Variants in TRPC5 observed in about 807,000 individuals in gnomAD.
The protein encoded by TRPC5 is transient receptor potential cation channel subfamily C member 5, also known as short transient receptor potential channel 5.
In TRPC5, 9 loss-of-function variants were observed where a neutral mutation model predicts 56.5. That is an observed-to-expected ratio of 0.16 (90% CI 0.10 to 0.28). The LOEUF (loss-of-function observed/expected upper bound fraction) is 0.28, where lower values mean the gene tolerates loss of function less well. Ranked by LOEUF, TRPC5 falls within the 10% of genes least tolerant of loss-of-function variation. The pLI, the probability that TRPC5 is intolerant of heterozygous loss-of-function variation, is 1.00. For missense variants in TRPC5, 469 were observed against 748.9 expected (o/e 0.63, Z 4.36); for synonymous variants, 282 against 278.5 (o/e 1.01, Z -0.13).
At chrX:111,924,500 A>G (rs1926206813) in intron 2 of TRPC5, among the ~76,000 whole-genome samples, 1 of 110,926 alleles carries the variant, frequency 9.0e-6, no homozygotes, top group African/African-American at 3.3e-5. Flanking sequence ...AGGAAACCAG[A>G]TCAGAAATCT....
chrX:112,057,129 G>A (rs757100719), intron 1 of TRPC5, among the ~76,000 whole-genome samples: 15 of 111,657 alleles, frequency 1.3e-4, no homozygotes, highest in Non-Finnish European at 2.6e-4. Context: ...AAGAGTTTCT[G>A]CTTCAGCTGA....
At chrX:111,805,745 C>T (rs1212165864) in intron 7 of TRPC5, among the ~76,000 whole-genome samples, 1 of 111,219 alleles carries the variant, frequency 9.0e-6, no homozygotes, top group East Asian at 2.8e-4. Context: ...GCTATCTCAG[C>T]TTACTGCAAC....
chrX:111,802,619 G>T (rs182462198), intron 7 of TRPC5, among the ~76,000 whole-genome samples: 7 of 110,865 alleles, frequency 6.3e-5, no homozygotes, highest in Admixed American at 5.8e-4. Flanking sequence ...GAGCTGGTTT[G>T]GGGGATACTG....
At chrX:112,039,699 G>A (rs999023321) in intron 1 of TRPC5, among the ~76,000 whole-genome samples, 3 of 111,040 alleles carry the variant, frequency 2.7e-5, no homozygotes, top group East Asian at 5.7e-4. Flanking sequence ...TCTATCCAGG[G>A]TGCCTCTATT....
intron 1 of TRPC5, among the ~76,000 whole-genome samples, chrX:111,969,035 A>C (rs746698404): frequency 1.8e-5 from 2 of 108,945 alleles, no homozygotes; most frequent in African/African-American, 3.3e-5. Flanking sequence ...ACAACAAAAA[A>C]AATAAATAAA....
At chrX:111,905,402 G>C (rs927158809) in intron 3 of TRPC5, among the ~76,000 whole-genome samples, 2 of 111,146 alleles carry the variant, frequency 1.8e-5, no homozygotes, top group East Asian at 5.7e-4. Context: ...CCTAAAGAAA[G>C]AAAAAATGAC....
chrX:111,920,861 T>A (rs1394270814), intron 2 of TRPC5, among the ~76,000 whole-genome samples: 1 of 111,867 alleles, frequency 8.9e-6, no homozygotes, highest in African/African-American at 3.3e-5. Context: ...GGTGGCTCTG[T>A]ACATAAGGTT....
intron 3 of TRPC5, chrX:111,902,394 T>G (rs144394283): frequency 0.012 from 3,346 of 289,399 alleles, 97 homozygotes; most frequent in African/African-American, 0.084. Context: ...GAAAGTTCTG[T>G]CTTTTGCCAT....
chrX:111,972,125 G>A (rs1161822189), intron 1 of TRPC5, among the ~76,000 whole-genome samples: 1 of 111,439 alleles, frequency 9.0e-6, no homozygotes, highest in Non-Finnish European at 1.9e-5. Context: ...ACTGCCTCAG[G>A]TTACAATTAC....
rs979221813 is a variant in TRPC5, at chrX:111,871,673, T to C, written c.901-17567A>G. Among the ~76,000 whole-genome samples the C allele has an allele frequency of 2.7e-5, 3 of 112,185 alleles. No homozygotes were observed. The Admixed American group carries it at 2.8e-4, about 11-fold the overall frequency. ...CAAGAAAGCACTCAATAAATGTTAG[T>C]TCTTTTCATCATTATGACTTACGAG... On this transcript the variant is annotated intron_variant, in intron 3 of 10. Transcript: ENST00000262839.
intron 2 of TRPC5, among the ~76,000 whole-genome samples, chrX:111,934,622 A>C (rs1819920339): frequency 1.8e-5 from 2 of 111,104 alleles, no homozygotes; most frequent in Admixed American, 9.6e-5. Flanking sequence ...CCCAACTACT[A>C]TCCTTCCCAG....
At chrX:111,945,492 C>T (rs768647577) in intron 2 of TRPC5, among the ~76,000 whole-genome samples, 39 of 110,058 alleles carry the variant, frequency 3.5e-4, no homozygotes, top group African/African-American at 1.2e-3. Flanking sequence ...CATGTGTGCG[C>T]ACACACACCG....
At chrX:112,056,157 T>C (rs1930336759) in intron 1 of TRPC5, among the ~76,000 whole-genome samples, 1 of 111,703 alleles carries the variant, frequency 9.0e-6, no homozygotes, top group Non-Finnish European at 1.9e-5. Context: ...GGTGCATAGC[T>C]TGGTAAGTCT....
In TRPC5 at chrX:111,772,643, G is replaced by T. The variant is rs951665470; in HGVS notation, c.*3670C>A. Reference sequence around the variant, plus strand: ...AGATGGGTTTCACCATGTTGGCCAGGCTGATCTCAAACTCCTGGACTCAAG... The same window carrying T: ...AGATGGGTTTCACCATGTTGGCCAGTCTGATCTCAAACTCCTGGACTCAAG... On this transcript the variant is annotated 3_prime_UTR_variant, in exon 11 of 11. Coordinates refer to ENST00000262839, the MANE Select transcript of TRPC5 (RefSeq NM_012471.3). 9.1e-6 allele frequency among the ~76,000 whole-genome samples: 1 copy of T among 110,258 alleles called. No homozygotes were observed. The highest frequency in any genetic ancestry group is 1.9e-5 in the Non-Finnish European group (1 of 52,819).
At chrX:111,955,616 C>T (rs1198969244) in intron 1 of TRPC5, among the ~76,000 whole-genome samples, 1 of 111,709 alleles carries the variant, frequency 9.0e-6, no homozygotes, top group Non-Finnish European at 1.9e-5. Context: ...AATTCTTTGC[C>T]CTTTTCCAAT....
At chrX:112,009,336 A>T (rs182781230) in intron 1 of TRPC5, among the ~76,000 whole-genome samples, 24 of 111,581 alleles carry the variant, frequency 2.2e-4, no homozygotes, top group African/African-American at 6.8e-4. Flanking sequence ...CAATATTTTC[A>T]TAAAATCCCT....
At chrX:112,049,839 T>C (rs1426711843) in intron 1 of TRPC5, among the ~76,000 whole-genome samples, 1 of 111,341 alleles carries the variant, frequency 9.0e-6, no homozygotes, top group Admixed American at 9.5e-5. Context: ...AATCCCACCA[T>C]TTACTTTACT....
chrX:111,970,733 T>C (rs934532618), intron 1 of TRPC5, among the ~76,000 whole-genome samples: 1 of 109,787 alleles, frequency 9.1e-6, no homozygotes, highest in African/African-American at 3.3e-5. Context: ...GTCCCAGCTC[T>C]GCCACTAACT....
At chrX:112,033,995 C>T (rs1462084192) in intron 1 of TRPC5, among the ~76,000 whole-genome samples, 3 of 112,221 alleles carry the variant, frequency 2.7e-5, no homozygotes, top group East Asian at 2.8e-4. Context: ...GTATGTCTCT[C>T]CTTATGCCAG....
Sources: gnomAD v4.1 joint callset for allele counts (sites outside exome capture counted in the v4.1 genomes callset) on GRCh38, gnomAD v4.1.1 for gene constraint, MANE v1.5 for transcripts, NCBI Gene and HGNC (gene_info 2026-07-23, HGNC 2026-07-21) for gene names.